Variants in LINGO2 observed in about 807,000 individuals in gnomAD.
LINGO2 encodes the protein leucine rich repeat and Ig domain containing 2.
Under a neutral mutation model 30.6 loss-of-function variants are expected in LINGO2, and 14 were observed. The ratio of observed to expected loss-of-function variants is 0.46; its 90% confidence interval spans 0.30 to 0.72. The LOEUF is 0.72. Ranked by LOEUF, LINGO2 falls within the 30% of genes least tolerant of loss-of-function variation. The pLI is 0.07. For missense variants in LINGO2, 729 were observed against 751.7 expected (o/e 0.97, Z 0.35); for synonymous variants, 317 against 288.5 (o/e 1.10, Z -1.00).
At chr9:28,905,855 C>T in the LINGO2 span, among the ~76,000 whole-genome samples, 8 of 152,096 alleles carry the variant, frequency 5.3e-5, no homozygotes, top group Non-Finnish European at 8.8e-5. Flanking sequence ...GATATCTGCA[C>T]GCCCATGTTC....
chr9:28,947,750 T>C, the LINGO2 span, among the ~76,000 whole-genome samples: 1 of 151,454 alleles, frequency 6.6e-6, no homozygotes, highest in Non-Finnish European at 1.5e-5. Flanking sequence ...ACATTTCCTT[T>C]ATATATATGT....
rs552135270 is a variant in LINGO2, at chr9:28,295,495, C to T, written c.-245-129G>A. The T allele has an allele frequency of 5.2e-5, 8 of 152,626 alleles. No individual in the cohort carries two copies. The South Asian group carries it at 1.2e-3, about 24-fold the overall frequency. 9.5% of individuals were successfully genotyped at this position (152,626 alleles called of 1,614,324 possible). ...TGTGTGAGGGACTATAAATGCTTCT[C>T]AAGATGCTGATAAACATTAAAACTG... On this transcript the variant is annotated intron_variant, in intron 3 of 5. Transcript: ENST00000379992.
chr9:27,952,911 T>C lies in LINGO2; in HGVS notation c.-35-2205A>G, dbSNP rs188729037. Among the ~76,000 whole-genome samples the C allele has an allele frequency of 4.1e-3, 621 of 152,150 alleles. 5 individuals are homozygous for C. The highest frequency in any genetic ancestry group is 6.8e-3 in the Middle Eastern group (2 of 294). On this transcript the variant is annotated intron_variant, in intron 5 of 5. Transcript: ENST00000379992. ...TTGTACACATTTTAAAAACTTGGTATAACAAACAAATAACACACACATGTG... is the reference window on the plus strand; with the variant it reads ...TTGTACACATTTTAAAAACTTGGTACAACAAACAAATAACACACACATGTG...
At chr9:29,028,424 G>GGT in the LINGO2 span, among the ~76,000 whole-genome samples, 1 of 87,034 alleles carries the variant, frequency 1.1e-5, no homozygotes, top group Non-Finnish European at 2.6e-5. Context: ...GTGTGTGGGG[G>GGT]GGGGTGAGAG....
At chr9:28,866,129 CTATTTTA>C in the LINGO2 span, among the ~76,000 whole-genome samples, 1 of 152,072 alleles carries the variant, frequency 6.6e-6, no homozygotes, top group African/African-American at 2.4e-5. Flanking sequence ...AATATGCTCT[CTATTTTA>C]TATAAGTAGA....
the LINGO2 span, among the ~76,000 whole-genome samples, chr9:28,893,307 T>C: frequency 6.6e-6 from 1 of 152,028 alleles, no homozygotes; most frequent in East Asian, 1.9e-4. Context: ...TTATACCATG[T>C]CAGGACATCT....
At chr9:29,190,198 CATA>C in the LINGO2 span, among the ~76,000 whole-genome samples, 1 of 152,260 alleles carries the variant, frequency 6.6e-6, no homozygotes, top group Admixed American at 6.5e-5. Flanking sequence ...AGTGTTGAAT[CATA>C]ATCTAGAGAT....
chr9:29,009,900 G>T, the LINGO2 span, among the ~76,000 whole-genome samples: 1 of 152,106 alleles, frequency 6.6e-6, no homozygotes, highest in South Asian at 2.1e-4. Flanking sequence ...TCTGATCTTG[G>T]ACAAACCTGA....
intron 5 of LINGO2, among the ~76,000 whole-genome samples, chr9:28,002,691 C>G (rs118137652): frequency 9.9e-5 from 15 of 152,090 alleles, no homozygotes. Context: ...CCTTGAATAA[C>G]GCCATTTCAG....
chr9:28,959,313 G>A, the LINGO2 span, among the ~76,000 whole-genome samples: 1 of 151,914 alleles, frequency 6.6e-6, no homozygotes, highest in African/African-American at 2.4e-5. Flanking sequence ...TGTCTCATAA[G>A]AACAATAAAG....
chr9:28,467,447 A>C (rs1825360944), intron 2 of LINGO2, among the ~76,000 whole-genome samples: 1 of 152,180 alleles, frequency 6.6e-6, no homozygotes, highest in Non-Finnish European at 1.5e-5. Flanking sequence ...CCTATGATGA[A>C]AGGCTTATAA....
chr9:29,189,520 A>G, the LINGO2 span, among the ~76,000 whole-genome samples: 1 of 149,550 alleles, frequency 6.7e-6, no homozygotes, highest in Non-Finnish European at 1.5e-5. Flanking sequence ...TGCTCCCCAC[A>G]TCTCAGACGA....
chr9:28,123,854 G>C (rs1238915323), intron 4 of LINGO2, among the ~76,000 whole-genome samples: 3 of 151,966 alleles, frequency 2.0e-5, no homozygotes, highest in Non-Finnish European at 4.4e-5. Context: ...TTTCAGTAGA[G>C]ATGGGGTTTC....
chr9:28,769,450 C>T, the LINGO2 span, among the ~76,000 whole-genome samples: 1 of 116,938 alleles, frequency 8.6e-6, no homozygotes, highest in Non-Finnish European at 1.7e-5. Context: ...TTTCCCTGTC[C>T]CCAGTTACAT....
intron 4 of LINGO2, among the ~76,000 whole-genome samples, chr9:28,265,107 C>A (rs1822699705): frequency 6.6e-6 from 1 of 151,888 alleles, no homozygotes; most frequent in Non-Finnish European, 1.5e-5. Flanking sequence ...ACCAGCCCCA[C>A]AATTGTAAGA....
At chr9:28,706,329 G>A in the LINGO2 span, among the ~76,000 whole-genome samples, 1 of 152,014 alleles carries the variant, frequency 6.6e-6, no homozygotes, top group Non-Finnish European at 1.5e-5. Context: ...ATTCAAAAAA[G>A]GTAAGAATCC....
At chr9:29,191,974 C>G in the LINGO2 span, among the ~76,000 whole-genome samples, 1 of 151,514 alleles carries the variant, frequency 6.6e-6, no homozygotes, top group Non-Finnish European at 1.5e-5. Context: ...TAATTTTATT[C>G]TCCCACTAAA....
chr9:28,149,849 T>C (rs1827941309), intron 4 of LINGO2, among the ~76,000 whole-genome samples: 1 of 148,570 alleles, frequency 6.7e-6, no homozygotes, highest in Admixed American at 6.7e-5. Context: ...GTATGGGAAG[T>C]GAGGAGCGCC....
the LINGO2 span, among the ~76,000 whole-genome samples, chr9:28,936,112 C>G: frequency 6.6e-6 from 1 of 152,040 alleles, no homozygotes; most frequent in Non-Finnish European, 1.5e-5. Context: ...TATTCACAAA[C>G]AAATTTTCAC....
Sources: allele counts gnomAD v4.1 joint callset (sites outside exome capture counted in the v4.1 genomes callset), GRCh38; gene constraint gnomAD v4.1.1; transcripts MANE v1.5; gene names NCBI Gene and HGNC (gene_info 2026-07-23, HGNC 2026-07-21).